The following TTC27 variants were observed in gnomAD, a reference collection of about 807,000 sequenced individuals.
TTC27 encodes the protein tetratricopeptide repeat domain 27, also known as tetratricopeptide repeat protein 27.
TTC27 carries 79 observed loss-of-function variants against 115.9 expected under a neutral mutation model. The observed-to-expected ratio is 0.68, with a 90% CI of 0.57 to 0.82. The LOEUF (loss-of-function observed/expected upper bound fraction) is 0.82. TTC27 is among the 40% of genes least tolerant of loss of function. TTC27 has a pLI of 0.00. For missense variants in TTC27, 1,054 were observed against 993.1 expected (o/e 1.06, Z -0.82); for synonymous variants, 401 against 356.0 (o/e 1.13, Z -1.42).
intron 16 of TTC27, among the ~76,000 whole-genome samples, chr2:32,808,462 C>T (rs1056464765): frequency 2.6e-5 from 4 of 152,216 alleles, no homozygotes; most frequent in African/African-American, 9.6e-5. Context: ...CCTCCTCTCT[C>T]TTCTGGTGGT....
At chr2:32,638,235 G>C (rs751321904) in intron 3 of TTC27, among the ~76,000 whole-genome samples, 1 of 151,760 alleles carries the variant, frequency 6.6e-6, no homozygotes, top group Non-Finnish European at 1.5e-5. Context: ...ATAATTCCTT[G>C]TATGCTTAGC....
chr2:32,798,100 A>AT (rs1457534958), intron 16 of TTC27, among the ~76,000 whole-genome samples: 3 of 85,428 alleles, frequency 3.5e-5, no homozygotes, highest in Admixed American at 1.1e-4. Flanking sequence ...TAGAAAAAAA[A>AT]TTAAAAAAAA....
intron 10 of TTC27, among the ~76,000 whole-genome samples, chr2:32,723,863 A>G (rs915843231): frequency 8.6e-5 from 13 of 150,666 alleles, no homozygotes; most frequent in African/African-American, 3.2e-4. Context: ...GCAGTGGCAT[A>G]ATCATAGCTC....
intron 16 of TTC27, among the ~76,000 whole-genome samples, chr2:32,790,876 C>T (rs927712808): frequency 1.1e-4 from 16 of 152,244 alleles, no homozygotes; most frequent in Middle Eastern, 3.4e-3. Context: ...TTATGGTTTT[C>T]GCTAAGATCA....
At chr2:32,671,281 A>C (rs1395572915) in intron 7 of TTC27, among the ~76,000 whole-genome samples, 1 of 101,112 alleles carries the variant, frequency 9.9e-6, no homozygotes, top group Non-Finnish European at 2.0e-5. Context: ...ATTGAGATAA[A>C]CGTGAAGGGT....
At chr2:32,690,747 C>T (rs1014067585) in intron 9 of TTC27, among the ~76,000 whole-genome samples, 1 of 152,214 alleles carries the variant, frequency 6.6e-6, no homozygotes, top group Non-Finnish European at 1.5e-5. Context: ...TTGGACTGCT[C>T]TTCCACTTCT....
intron 16 of TTC27, among the ~76,000 whole-genome samples, chr2:32,788,752 TAGA>T (rs1166363352): frequency 1.3e-5 from 2 of 152,166 alleles, no homozygotes; most frequent in Non-Finnish European, 2.9e-5. Flanking sequence ...TTGGCACCAA[TAGA>T]AGTTGTTTTA....
intron 18 of TTC27, among the ~76,000 whole-genome samples, chr2:32,815,223 ATTTTTTTTTTTTTT>A (rs533493768): frequency 2.3e-4 from 13 of 55,512 alleles, no homozygotes; most frequent in African/African-American, 6.5e-4. Flanking sequence ...GCTGCTTCAG[ATTTTTTTTTTTTTT>A]TTTTTTTTTT....
chr2:32,804,753 A>C (rs1432190606), intron 16 of TTC27, among the ~76,000 whole-genome samples: 4 of 152,108 alleles, frequency 2.6e-5, no homozygotes, highest in Middle Eastern at 3.4e-3. Context: ...AAAACAGTTT[A>C]TATAGTATTA....
At chr2:32,632,682 T>C (rs1378690979) in intron 2 of TTC27, among the ~76,000 whole-genome samples, 1 of 152,148 alleles carries the variant, frequency 6.6e-6, no homozygotes, top group Non-Finnish European at 1.5e-5. Flanking sequence ...TTTTTTTTTT[T>C]CTTTTTCTGA....
intron 16 of TTC27, among the ~76,000 whole-genome samples, chr2:32,800,577 A>C (rs1670889053): frequency 6.6e-6 from 1 of 152,018 alleles, no homozygotes; most frequent in Admixed American, 6.6e-5. Flanking sequence ...GGCTCTCTGC[A>C]ACCTTCGCCA....
At chr2:32,780,894 G>C (rs1359035223) in intron 14 of TTC27, among the ~76,000 whole-genome samples, 1 of 147,582 alleles carries the variant, frequency 6.8e-6, no homozygotes, top group Non-Finnish European at 1.5e-5. Context: ...CTATATAAAA[G>C]ATCTAAATTT....
chr2:32,770,093 G>C (rs373566551), intron 13 of TTC27, among the ~76,000 whole-genome samples: 13 of 152,272 alleles, frequency 8.5e-5, no homozygotes, highest in African/African-American at 3.1e-4. Context: ...CAAGGAAGGA[G>C]ACTAGCGGAT....
Position 32,686,872 on chromosome 2 carries a change from T to A in TTC27, c.1119+7950T>A, listed in dbSNP as rs191069413. Among the ~76,000 whole-genome samples the A allele has an allele frequency of 1.9e-3, 290 of 152,068 alleles. 2 individuals carry two copies. The highest frequency in any genetic ancestry group is 3.4e-3 in the Middle Eastern group (1 of 292). On this transcript the variant is annotated intron_variant, in intron 9 of 19. Coordinates refer to ENST00000317907, the MANE Select transcript of TTC27 (RefSeq NM_017735.5). ...TCTTTTGTGTGTGTGTGAGATGGAG[T>A]CTCACTCTGTCACCCAGGCTGGAGT... is the stretch of plus-strand genomic sequence containing the variant.
At chr2:32,671,476 A>T (rs1300067444) in intron 7 of TTC27, among the ~76,000 whole-genome samples, 1 of 152,128 alleles carries the variant, frequency 6.6e-6, no homozygotes, top group African/African-American at 2.4e-5. Context: ...ACCTGTTGAA[A>T]CACCTAGGTA....
At chr2:32,807,473 C>G (rs900686279) in intron 16 of TTC27, among the ~76,000 whole-genome samples, 2 of 152,090 alleles carry the variant, frequency 1.3e-5, no homozygotes, top group African/African-American at 4.8e-5. Context: ...TTCTTCTTAT[C>G]TTTTTATAAT....
chr2:32,724,644 T>C (rs1183079426), intron 10 of TTC27, among the ~76,000 whole-genome samples: 1 of 152,218 alleles, frequency 6.6e-6, no homozygotes, highest in African/African-American at 2.4e-5. Context: ...TAAAGTACAA[T>C]GGTTGTCTCA....
intron 7 of TTC27, among the ~76,000 whole-genome samples, chr2:32,667,808 C>T (rs1485136842): frequency 6.7e-6 from 1 of 150,150 alleles, no homozygotes; most frequent in Non-Finnish European, 1.5e-5. Context: ...AATCCCAGCA[C>T]TTTGGGAGGC....
chr2:32,786,219 T>G (rs1670343202), intron 15 of TTC27, among the ~76,000 whole-genome samples: 1 of 152,088 alleles, frequency 6.6e-6, no homozygotes. Context: ...CTTCCCAGGT[T>G]CAAGTGATTC....
Sources: allele counts gnomAD v4.1 joint callset (sites outside exome capture counted in the v4.1 genomes callset), GRCh38; gene constraint gnomAD v4.1.1; transcripts MANE v1.5; gene names NCBI Gene and HGNC (gene_info 2026-07-23, HGNC 2026-07-21).